Variants in CDH18 observed in about 807,000 individuals in gnomAD.
The protein encoded by CDH18 is cadherin-18.
CDH18 carries 31 observed loss-of-function variants against 67.9 expected under a neutral mutation model. The ratio of observed to expected loss-of-function variants is 0.46; its 90% CI spans 0.34 to 0.62. The LOEUF (loss-of-function observed/expected upper bound fraction) is 0.62. CDH18 is among the 20% of genes least tolerant of loss of function. The pLI, the probability that CDH18 is intolerant of heterozygous loss-of-function variation, is 0.01. For missense variants in CDH18, 890 were observed against 975.5 expected, an observed-to-expected ratio of 0.91 and a Z score of 1.17; for synonymous variants, 362 against 347.2, an observed-to-expected ratio of 1.04 and a Z score of -0.48.
chr5:19,885,061 C>T (rs1490810513), intron 2 of CDH18, among the ~76,000 whole-genome samples: 1 of 152,088 alleles, frequency 6.6e-6, no homozygotes, highest in Non-Finnish European at 1.5e-5. Flanking sequence ...TTTATCCCAC[C>T]TCCTGCTTCC....
At chr5:19,688,812 C>T (rs550886834) in intron 5 of CDH18, among the ~76,000 whole-genome samples, 18 of 151,910 alleles carry the variant, frequency 1.2e-4, no homozygotes, top group Admixed American at 9.2e-4. Context: ...TCATGTCCTA[C>T]GTGAGAAATT....
chr5:20,410,341 A>T (rs926888591), intron 1 of CDH18, among the ~76,000 whole-genome samples: 12 of 151,876 alleles, frequency 7.9e-5, no homozygotes, highest in Non-Finnish European at 1.5e-4. Context: ...AACAAAAATT[A>T]ATTAGTCTAA....
intron 11 of CDH18, among the ~76,000 whole-genome samples, chr5:19,486,667 C>A (rs1252750219): frequency 1.3e-5 from 2 of 151,990 alleles, no homozygotes; most frequent in African/African-American, 2.4e-5. Flanking sequence ...GTGGCGGGCG[C>A]CTATAATCTC....
At chr5:19,644,706 G>C (rs572419637) in intron 5 of CDH18, among the ~76,000 whole-genome samples, 64 of 152,194 alleles carry the variant, frequency 4.2e-4, no homozygotes, top group African/African-American at 1.5e-3. Context: ...TTCTGTGCTG[G>C]GGCTTGGTAT....
chr5:19,798,793 T>A (rs1055166233), intron 3 of CDH18, among the ~76,000 whole-genome samples: 2 of 152,068 alleles, frequency 1.3e-5, no homozygotes, highest in African/African-American at 4.8e-5. Context: ...ATTACTGGAT[T>A]TTTAGGTAAA....
chr5:19,905,034 G>T (rs17223289), intron 2 of CDH18, among the ~76,000 whole-genome samples: 44,837 of 151,978 alleles, frequency 0.3, 7,740 homozygotes, highest in South Asian at 0.39. Context: ...TACTGATAAA[G>T]AACCTCAATT....
chr5:19,886,750 T>C, intron 2 of CDH18, among the ~76,000 whole-genome samples: 1 of 152,160 alleles, frequency 6.6e-6, no homozygotes, highest in East Asian at 1.9e-4. Flanking sequence ...ACATCACCAG[T>C]ATCCAGATGT....
chr5:19,729,341 A>G (rs942601385), intron 4 of CDH18, among the ~76,000 whole-genome samples: 19 of 152,244 alleles, frequency 1.2e-4, no homozygotes, highest in African/African-American at 4.1e-4. Flanking sequence ...TGTTTTACCC[A>G]TAGAGAAGTT....
intron 2 of CDH18, among the ~76,000 whole-genome samples, chr5:20,252,196 C>T (rs1743912036): frequency 6.6e-6 from 1 of 151,710 alleles, no homozygotes; most frequent in South Asian, 2.1e-4. Context: ...ACTAAAAATA[C>T]AAAAAATAGC....
chr5:20,516,861 A>C (rs1755410265), intron 1 of CDH18, among the ~76,000 whole-genome samples: 1 of 151,950 alleles, frequency 6.6e-6, no homozygotes, highest in Admixed American at 6.6e-5. Context: ...TTTATTCCAA[A>C]AGATGTTGAC....
At chr5:20,462,518 A>G (rs1751341876) in intron 1 of CDH18, among the ~76,000 whole-genome samples, 1 of 152,222 alleles carries the variant, frequency 6.6e-6, no homozygotes, top group African/African-American at 2.4e-5. Flanking sequence ...AACATATAGA[A>G]ATGATAAATA....
At chr5:20,339,773 T>G (rs1161780686) in intron 1 of CDH18, among the ~76,000 whole-genome samples, 1 of 152,208 alleles carries the variant, frequency 6.6e-6, no homozygotes, top group Non-Finnish European at 1.5e-5. Context: ...CTCCGGATAA[T>G]GCTGATATGT....
chr5:20,476,463 G>A (rs1455800480), intron 1 of CDH18, among the ~76,000 whole-genome samples: 1 of 151,954 alleles, frequency 6.6e-6, no homozygotes, highest in Non-Finnish European at 1.5e-5. Flanking sequence ...CTAGGACCAA[G>A]TTTAGAGTTG....
At chr5:19,959,151 T>C (rs192585623) in intron 2 of CDH18, among the ~76,000 whole-genome samples, 1 of 151,914 alleles carries the variant, frequency 6.6e-6, no homozygotes, top group African/African-American at 2.4e-5. Context: ...AAAAGAAAAG[T>C]AGAAAAAGAT....
At chr5:19,563,003 TA>T (rs1289668069) in intron 8 of CDH18, among the ~76,000 whole-genome samples, 1 of 152,086 alleles carries the variant, frequency 6.6e-6, no homozygotes, top group Non-Finnish European at 1.5e-5. Context: ...ATGCTAAAGT[TA>T]AAAAAAGACT....
chr5:19,684,979 T>C (rs1760871231), intron 5 of CDH18, among the ~76,000 whole-genome samples: 1 of 152,098 alleles, frequency 6.6e-6, no homozygotes, highest in African/African-American at 2.4e-5. Context: ...GAAGGAATAT[T>C]GTAGGGATAA....
intron 1 of CDH18, among the ~76,000 whole-genome samples, chr5:20,556,403 T>C (rs1180081053): frequency 1.3e-5 from 2 of 152,112 alleles, no homozygotes; most frequent in Admixed American, 6.6e-5. Flanking sequence ...GGGTCAAAGA[T>C]ATGGGTCAAT....
intron 2 of CDH18, among the ~76,000 whole-genome samples, chr5:20,252,295 G>A (rs1249008786): frequency 3.3e-5 from 5 of 151,696 alleles, no homozygotes; most frequent in African/African-American, 1.2e-4. Flanking sequence ...AGGTTGCAGT[G>A]AGCCTAGATC....
At chr5:20,197,621 A>C (rs1561869150) in intron 2 of CDH18, among the ~76,000 whole-genome samples, 1 of 152,180 alleles carries the variant, frequency 6.6e-6, no homozygotes, top group Non-Finnish European at 1.5e-5. Context: ...CACCCAGACA[A>C]TCTTGCTATT....
Sources: gnomAD v4.1 joint callset for allele counts (sites outside exome capture counted in the v4.1 genomes callset) on GRCh38, gnomAD v4.1.1 for gene constraint, MANE v1.5 for transcripts, NCBI Gene and HGNC (gene_info 2026-07-23, HGNC 2026-07-21) for gene names.